The following DNM2 variants were observed in gnomAD, a reference collection of about 807,000 sequenced individuals.
DNM2 encodes the protein dynamin-2.
Under a neutral mutation model 99.0 loss-of-function variants are expected in DNM2, and 15 were observed. The observed-to-expected ratio is 0.15, with a 90% CI of 0.10 to 0.23. The LOEUF (loss-of-function observed/expected upper bound fraction) is 0.23. Among genes scored for constraint, DNM2 ranks in the 10% least tolerant of loss-of-function variants. The pLI is 1.00. For missense variants in DNM2, 742 were observed against 1,189.4 expected (o/e 0.62, Z 5.53); for synonymous variants, 525 against 481.2 (o/e 1.09, Z -1.19).
At chr19:10,747,541 A>G (rs1027452622) in intron 1 of DNM2, among the ~76,000 whole-genome samples, 5 of 151,980 alleles carry the variant, frequency 3.3e-5, no homozygotes, top group Non-Finnish European at 5.9e-5. Flanking sequence ...TGGGCTGGGA[A>G]TGTTGGGGAG....
chr19:10,770,993 G>C (rs1037358161), intron 2 of DNM2, among the ~76,000 whole-genome samples: 1 of 152,166 alleles, frequency 6.6e-6, no homozygotes, highest in African/African-American at 2.4e-5. Context: ...GGGTCTCACT[G>C]TGTCACCCAG....
In DNM2 at chr19:10,823,916, C is replaced by T. The variant is rs45585238; in HGVS notation, c.1893+17C>T. 186 of 1,610,862 alleles carry T rather than the reference C, an allele frequency of 1.2e-4. No individual in the cohort carries two copies. Among genetic ancestry groups the T allele is most frequent in the South Asian group, 2.1e-4 (19 of 91,002 alleles). The stretch of plus-strand genomic sequence containing the variant: ...AAGGACCAGGTGAGGAGCCGTCCTG[C>T]GCAGCCAGGCCCAGAGCCCCCACCT... On this transcript the variant is annotated intron_variant, in intron 17 of 20. Coordinates refer to ENST00000389253, the MANE Select transcript of DNM2 (RefSeq NM_001005361.3).
chr19:10,830,528 G>A lies in DNM2; in HGVS notation c.2543+150G>A. 1 of 930,224 alleles carries A rather than the reference G, an allele frequency of 1.1e-6. No individual in the cohort carries two copies. The highest frequency in any genetic ancestry group is 1.6e-6 in the Non-Finnish European group (1 of 627,942). The allele number at this position is 930,224 out of a possible 1,614,324, so 57.6% of individuals were successfully genotyped here. On this transcript the variant is annotated intron_variant, in intron 20 of 20. Transcript: ENST00000389253. This position sits in a 1 kb window ranked among gnomAD's most constrained non-coding sequence, Gnocchi z 4.8. ...CCCTATTTGGCTTGCGAGGAAACAG[G>A]CCCAGAGAGGCCAAGAGGCTTGTTC...
At position 10,757,375 on chromosome 19, in the gene DNM2, G is replaced by T. The variant is rs956076784; in HGVS notation, c.162-2363G>T. On this transcript the variant is annotated intron_variant, in intron 1 of 20. Coordinates refer to ENST00000389253, the MANE Select transcript of DNM2 (RefSeq NM_001005361.3). ...TGTGGAAAGAGCACATCTCCCCCCC[G>T]ACGCCAGCCACTGGGTAATACATTC... 3.9e-5 allele frequency among the ~76,000 whole-genome samples: 6 copies of T among 152,220 alleles called. No homozygotes were observed. In the East Asian group the frequency reaches 9.6e-4, roughly 24 times the overall value.
rs540550675 is a variant in DNM2 at position 10,831,567 on chromosome 19, C to T, written c.*520C>T. 3.5e-5 allele frequency: 35 copies of T among 986,092 alleles called. No homozygotes were observed. The highest frequency in any genetic ancestry group is 4.7e-5 in the South Asian group (1 of 21,306). 61.1% of individuals were successfully genotyped at this position (986,092 alleles called of 1,614,324 possible). On this transcript the variant is annotated 3_prime_UTR_variant, in exon 21 of 21. Coordinates refer to ENST00000389253, the MANE Select transcript of DNM2 (RefSeq NM_001005361.3). The surrounding 1 kb of genome is among the most constrained non-coding windows in gnomAD (Gnocchi z 4.3). ...GGCCTGAGGTGTACATAGTCCTTCC[C>T]GGCCATATTAACCACACAGCCTGAG...
intron 2 of DNM2, chr19:10,763,617 G>A (rs1442473315): frequency 6.6e-6 from 1 of 152,488 alleles, no homozygotes; most frequent in East Asian, 1.9e-4. Context: ...AGCCCAGCCT[G>A]TGAGTGTCTG....
At position 10,831,731 on chromosome 19, in the gene DNM2, G is replaced by T. The variant is rs945367010; in HGVS notation, c.*684G>T. ...GGGCTTGGGCTATGTGGGTGGTGGTGGCGGGGGGTCTTGGGGGCCTCTCAG... is the reference window on the plus strand; with the variant it reads ...GGGCTTGGGCTATGTGGGTGGTGGTTGCGGGGGGTCTTGGGGGCCTCTCAG... On this transcript the variant is annotated 3_prime_UTR_variant, in exon 21 of 21. Transcript: ENST00000389253. This position sits in a 1 kb window ranked among gnomAD's most constrained non-coding sequence, Gnocchi z 4.3. The T allele has an allele frequency of 1.0e-6, 1 of 986,336 alleles. No individual in the cohort carries two copies. The highest frequency in any genetic ancestry group is 1.1e-4 in the East Asian group (1 of 8,824). 61.1% of individuals were successfully genotyped at this position (986,336 alleles called of 1,614,324 possible). A position where few individuals can be genotyped will look rare whatever the true frequency, so the allele number is the denominator to read the frequency against.
chr19:10,787,795 G>A (rs2071614571), intron 7 of DNM2, among the ~76,000 whole-genome samples: 1 of 151,812 alleles, frequency 6.6e-6, no homozygotes, highest in African/African-American at 2.4e-5. Flanking sequence ...CAGGCATGGT[G>A]GCACATGCCT....
intron 1 of DNM2, among the ~76,000 whole-genome samples, chr19:10,727,796 C>T (rs1448655407): frequency 6.6e-6 from 1 of 152,026 alleles, no homozygotes; most frequent in African/African-American, 2.4e-5. Flanking sequence ...AACTTCTGCC[C>T]GATTTGAATG....
At position 10,817,478 on chromosome 19, in the gene DNM2, G is replaced by A. The variant is rs764259523; in HGVS notation, c.1672-2502G>A. The A allele has an allele frequency of 2.1e-6, 1 of 484,380 alleles. No homozygotes were observed. Among genetic ancestry groups the A allele is most frequent in the South Asian group, 1.5e-5 (1 of 65,434 alleles). The allele number at this position is 484,380 out of a possible 1,614,324, so 30.0% of individuals were successfully genotyped here. A position where few individuals can be genotyped will look rare whatever the true frequency, so the allele number is the denominator to read the frequency against. ...ACATTGAGAGCCTCCTGAACAGGTA[G>A]TCTGAACACTGGGTTGGCGGGGCCG... is the stretch of plus-strand genomic sequence containing the variant. On this transcript the variant is annotated intron_variant, in intron 15 of 20. Transcript: ENST00000389253. This position sits in a 1 kb window ranked among gnomAD's most constrained non-coding sequence, Gnocchi z 4.6.
intron 6 of DNM2, among the ~76,000 whole-genome samples, chr19:10,784,095 A>G (rs569352345): frequency 6.6e-6 from 1 of 152,262 alleles, no homozygotes; most frequent in South Asian, 2.1e-4. Flanking sequence ...TAGCAGGGGC[A>G]AGACGCTCCT....
At chr19:10,762,485 C>G (rs1427459739) in intron 2 of DNM2, among the ~76,000 whole-genome samples, 1 of 152,150 alleles carries the variant, frequency 6.6e-6, no homozygotes. Flanking sequence ...ACTGTGTTTC[C>G]TGTCTGGACA....
chr19:10,775,350 G>A lies in DNM2; in HGVS notation c.386-353G>A, dbSNP rs902792659. On this transcript the variant is annotated intron_variant, in intron 3 of 20. Coordinates refer to ENST00000389253, the MANE Select transcript of DNM2 (RefSeq NM_001005361.3). The surrounding 1 kb of genome is among the most constrained non-coding windows in gnomAD (Gnocchi z 4.3). ...ACCCACCTCGGCCTCCCAAAGTGCT[G>A]GGATTGCAGATGTGAGCCACCGCAC... is the stretch of plus-strand genomic sequence containing the variant. 6.6e-6 allele frequency among the ~76,000 whole-genome samples: 1 copy of A among 152,190 alleles called. No individual in the cohort carries two copies. Among genetic ancestry groups the A allele is most frequent in the African/African-American group, 2.4e-5 (1 of 41,444 alleles).
In DNM2 at chr19:10,807,591, A is replaced by G. The variant is rs570569774; in HGVS notation, c.1546-978A>G. On this transcript the variant is annotated intron_variant, in intron 13 of 20. Coordinates refer to ENST00000389253, the MANE Select transcript of DNM2 (RefSeq NM_001005361.3). ...TGAGACAGAGTCTCACTCTGCCACC[A>G]AGGCTGGAGTGCAGTGGCGCGGTCT... Among the ~76,000 whole-genome samples, 3 of 104,638 alleles carry G rather than the reference A, an allele frequency of 2.9e-5. No homozygotes were observed. The East Asian group carries it at 9.7e-4, about 34-fold the overall frequency. 68.6% of individuals were successfully genotyped at this position (104,638 alleles called of 152,430 possible).
At chr19:10,736,264 CAAAAAAAA>C (rs545329681) in intron 1 of DNM2, among the ~76,000 whole-genome samples, 1 of 91,490 alleles carries the variant, frequency 1.1e-5, no homozygotes, top group Non-Finnish European at 2.4e-5. Flanking sequence ...GACTCTGTCT[CAAAAAAAA>C]AAAAAAAGAA....
chr19:10,786,508 A>G, intron 6 of DNM2, 56 bp from the exon 7 acceptor site: 1 of 1,610,848 alleles, frequency 6.2e-7, no homozygotes, highest in South Asian at 1.1e-5. Context: ...TGTGTCTGCC[A>G]CTCCCTGGTA....
chr19:10,804,426 T>A (rs1182911658), intron 12 of DNM2, among the ~76,000 whole-genome samples: 1 of 152,182 alleles, frequency 6.6e-6, no homozygotes, highest in African/African-American at 2.4e-5. Context: ...CAGTGGCTCA[T>A]GCCTGTAATC....
At chr19:10,727,870 A>T (rs1294045501) in intron 1 of DNM2, among the ~76,000 whole-genome samples, 3 of 152,290 alleles carry the variant, frequency 2.0e-5, no homozygotes, top group Admixed American at 1.3e-4. Flanking sequence ...GTAAACCGTA[A>T]TTTACTGGGA....
At chr19:10,751,407 GA>G (rs1220900963) in intron 1 of DNM2, among the ~76,000 whole-genome samples, 1 of 152,148 alleles carries the variant, frequency 6.6e-6, no homozygotes, top group Admixed American at 6.6e-5. Context: ...TGGGATCAAC[GA>G]GGAGGAAGTA....
Sources: gnomAD v4.1 joint callset for allele counts (sites outside exome capture counted in the v4.1 genomes callset) on GRCh38, gnomAD v4.1.1 for gene constraint, Gnocchi (gnomAD v3.1) non-coding constraint, MANE v1.5 for transcripts, NCBI Gene and HGNC (gene_info 2026-07-23, HGNC 2026-07-21) for gene names.